ACYP2: variants seen among roughly 807,000 people sequenced by gnomAD.
The protein encoded by ACYP2 is acylphosphatase 2, also known as acylphosphatase-2.
In ACYP2, 12 loss-of-function variants were observed where a neutral mutation model predicts 11.2. The ratio of observed to expected loss-of-function variants is 1.08; its 90% CI spans 0.69 to 1.74. The LOEUF (loss-of-function observed/expected upper bound fraction) is 1.74. ACYP2 is among the 40% of genes most tolerant of loss of function. ACYP2 has a pLI of 0.00. For missense variants in ACYP2, 134 were observed against 101.9 expected (o/e 1.31, Z -1.35); for synonymous variants, 43 against 32.2 (o/e 1.33, Z -1.13).
intron 4 of ACYP2, among the ~76,000 whole-genome samples, chr2:54,071,660 G>A (rs532115410): frequency 1.3e-5 from 2 of 152,176 alleles, no homozygotes; most frequent in African/African-American, 4.8e-5. Context: ...GTTTCACCAT[G>A]TTGCCCAGGT....
rs996256628 is a variant in ACYP2, at chr2:54,057,327, T to A, written c.244T>A (p.Ser82Thr). The stretch of plus-strand genomic sequence containing the variant: ...ATGGAAGGAGAACATTTCTTGCTCA[T>A]CAACTACTTTCATAAAATCAACAAT... Residue 82 changes from serine (S) to threonine (T), a missense_variant, in exon 4 of 7, where the codon TCA becomes ACA. Physicochemically the swap from Ser to Thr is moderately conservative, Grantham distance 58. Coordinates refer to ENST00000607452, the MANE Select transcript of ACYP2 (RefSeq NM_001320586.2). 13 of 397,912 alleles carry A rather than the reference T, an allele frequency of 3.3e-5. No homozygotes were observed. Among genetic ancestry groups the A allele is most frequent in the African/African-American group, 2.7e-4 (13 of 48,612 alleles). The allele number at this position is 397,912 out of a possible 1,614,324, so 24.6% of individuals were successfully genotyped here. A position where few individuals can be genotyped will look rare whatever the true frequency, so the allele number is the denominator to read the frequency against.
chr2:54,236,941 T>C (rs1456894988), intron 6 of ACYP2, among the ~76,000 whole-genome samples: 1 of 152,210 alleles, frequency 6.6e-6, no homozygotes, highest in Non-Finnish European at 1.5e-5. Flanking sequence ...ATAGGTTCCA[T>C]ATCTGTGGAT....
At chr2:54,048,988 G>C (rs938697831) in intron 2 of ACYP2, among the ~76,000 whole-genome samples, 4 of 152,090 alleles carry the variant, frequency 2.6e-5, no homozygotes, top group Non-Finnish European at 5.9e-5. Context: ...GAAGTAATGA[G>C]CTGGGGCCAG....
rs560230697 is a variant in ACYP2 at position 54,061,894 on chromosome 2, T to G, written c.277+4534T>G. On this transcript the variant is annotated intron_variant, in intron 4 of 6. Coordinates refer to ENST00000607452, the MANE Select transcript of ACYP2 (RefSeq NM_001320586.2). ...TTTGTGACTACCCTAGGCAACGTAATGAGACCCTGCCTCTATAAAAAATAA... is the reference window on the plus strand; with the variant it reads ...TTTGTGACTACCCTAGGCAACGTAAGGAGACCCTGCCTCTATAAAAAATAA... 2.6e-5 allele frequency among the ~76,000 whole-genome samples: 4 copies of G among 152,294 alleles called. 1 individual carries two copies. The highest frequency in any genetic ancestry group is 9.6e-5 in the African/African-American group (4 of 41,558).
intron 6 of ACYP2, among the ~76,000 whole-genome samples, chr2:54,168,715 G>C (rs1683110318): frequency 6.6e-6 from 1 of 152,106 alleles, no homozygotes; most frequent in African/African-American, 2.4e-5. Flanking sequence ...AAAAGAGAAA[G>C]AGCAGTGAAA....
intron 4 of ACYP2, among the ~76,000 whole-genome samples, chr2:54,081,025 T>C (rs1677618191): frequency 6.6e-6 from 1 of 152,184 alleles, no homozygotes; most frequent in African/African-American, 2.4e-5. Flanking sequence ...TCATATATGG[T>C]TTATATGATT....
intron 6 of ACYP2, among the ~76,000 whole-genome samples, chr2:54,271,124 T>C (rs1688278178): frequency 6.6e-6 from 1 of 152,190 alleles, no homozygotes; most frequent in Admixed American, 6.5e-5. Flanking sequence ...TGGAAGAAAT[T>C]TAGTTTATAG....
intron 6 of ACYP2, among the ~76,000 whole-genome samples, chr2:54,211,520 T>C (rs1558616506): frequency 6.6e-6 from 1 of 152,242 alleles, no homozygotes; most frequent in Admixed American, 6.5e-5. Flanking sequence ...GTTTAAAGTA[T>C]GATTGGGAAG....
chr2:54,078,688 C>T (rs1047207252), intron 4 of ACYP2, among the ~76,000 whole-genome samples: 1 of 151,726 alleles, frequency 6.6e-6, no homozygotes, highest in Non-Finnish European at 1.5e-5. Flanking sequence ...TAACCTCCGC[C>T]TCCTGGGTTC....
chr2:54,092,479 G>C (rs1678289025), intron 4 of ACYP2, among the ~76,000 whole-genome samples: 1 of 152,122 alleles, frequency 6.6e-6, no homozygotes, highest in Non-Finnish European at 1.5e-5. Flanking sequence ...AACAGGGTTG[G>C]GTGACAAAGG....
In ACYP2 at chr2:54,266,726, C is replaced by A. The variant is rs143450606; in HGVS notation, c.405-37962C>A. Among the ~76,000 whole-genome samples the A allele has an allele frequency of 5.0e-3, 752 of 150,458 alleles. 10 individuals carry two copies. Among genetic ancestry groups the A allele is most frequent in the African/African-American group, 0.018 (720 of 40,962 alleles). ...GTTCACGCCATTCTCCTGCCTCAGC[C>A]TCCCAAGTAGCTGGTACTACAGGCT... On this transcript the variant is annotated intron_variant, in intron 6 of 6. Coordinates refer to ENST00000607452, the MANE Select transcript of ACYP2 (RefSeq NM_001320586.2).
intron 2 of ACYP2, among the ~76,000 whole-genome samples, chr2:54,018,367 C>T (rs1673810957): frequency 6.6e-6 from 1 of 152,086 alleles, no homozygotes; most frequent in African/African-American, 2.4e-5. Flanking sequence ...GGAAAGAAAA[C>T]ATCAAAAGGG....
chr2:54,033,405 G>A (rs1168179460), intron 2 of ACYP2, among the ~76,000 whole-genome samples: 3 of 151,706 alleles, frequency 2.0e-5, no homozygotes, highest in African/African-American at 4.8e-5. Context: ...TAGAGACAGG[G>A]TCCCACTGTG....
chr2:54,083,720 A>G (rs1677793405), intron 4 of ACYP2, among the ~76,000 whole-genome samples: 1 of 152,124 alleles, frequency 6.6e-6, no homozygotes, highest in South Asian at 2.1e-4. Flanking sequence ...CAAAGGCACA[A>G]TCTGGACAGA....
chr2:54,063,466 A>G (rs1020628700), intron 4 of ACYP2, among the ~76,000 whole-genome samples: 1 of 152,166 alleles, frequency 6.6e-6, no homozygotes, highest in Non-Finnish European at 1.5e-5. Flanking sequence ...GTCTGCATCA[A>G]CAAGCAACCT....
intron 6 of ACYP2, among the ~76,000 whole-genome samples, chr2:54,157,875 T>G (rs1682504771): frequency 2.6e-5 from 4 of 152,192 alleles, no homozygotes; most frequent in Admixed American, 2.6e-4. Context: ...AAGAGCTTTC[T>G]GTGCAGAGGC....
intron 4 of ACYP2, among the ~76,000 whole-genome samples, chr2:54,072,488 TTTC>T (rs1482620144): frequency 6.5e-5 from 9 of 138,596 alleles, no homozygotes; most frequent in Middle Eastern, 3.4e-3. Context: ...TTCTTTCTTT[TTTC>T]TTTCTTTCTC....
At chr2:54,214,030 G>T (rs1363946773) in intron 6 of ACYP2, among the ~76,000 whole-genome samples, 2 of 152,044 alleles carry the variant, frequency 1.3e-5, no homozygotes, top group East Asian at 1.9e-4. Context: ...GAAGTGCTGG[G>T]ATTACAGGCA....
chr2:54,228,407 G>A (rs13416234), intron 6 of ACYP2, among the ~76,000 whole-genome samples: 3,037 of 152,312 alleles, frequency 0.02, 97 homozygotes, highest in African/African-American at 0.07. Context: ...GGCAGGTAGT[G>A]TCTTTATTCC....
Sources: gnomAD v4.1 joint callset for allele counts (sites outside exome capture counted in the v4.1 genomes callset) on GRCh38, gnomAD v4.1.1 for gene constraint, MANE v1.5 for transcripts, NCBI Gene and HGNC (gene_info 2026-07-23, HGNC 2026-07-21) for gene names.